The following ADORA2A variants were observed in gnomAD, a reference collection of about 807,000 sequenced individuals.
ADORA2A encodes adenosine A2a receptor.
A neutral mutation model predicts 18.4 loss-of-function variants in ADORA2A; 11 were observed. The ratio of observed to expected loss-of-function variants is 0.60; its 90% CI spans 0.38 to 0.99. ADORA2A has a LOEUF of 0.99. Among genes scored for constraint, ADORA2A ranks in the 50% least tolerant of loss-of-function variants. The pLI is 0.01. For missense variants in ADORA2A, 449 were observed against 556.1 expected, an observed-to-expected ratio of 0.81 and a Z score of 1.94; for synonymous variants, 218 against 237.3, an observed-to-expected ratio of 0.92 and a Z score of 0.75.
At chr22:24,439,228 C>G (rs1215855885) in intron 2 of ADORA2A, 1 of 151,564 alleles carries the variant, frequency 6.6e-6, no homozygotes, top group Non-Finnish European at 1.5e-5. Context: ...GATTACAGGC[C>G]CCCGCCACCA....
upstream of ADORA2A, among the ~76,000 whole-genome samples, chr22:24,427,123 G>T (rs2042926830): frequency 6.6e-6 from 1 of 152,180 alleles, no homozygotes; most frequent in African/African-American, 2.4e-5. Flanking sequence ...CTGGGCAGGA[G>T]ACTTCTCCCC....
chr22:24,425,347 C>A (rs947575904), upstream of ADORA2A, among the ~76,000 whole-genome samples: 2,953 of 136,898 alleles, frequency 0.022, 121 homozygotes, highest in Non-Finnish European at 0.031. Flanking sequence ...ACCCCCCCCC[C>A]CCCCGCCCAA....
rs201030658 is a variant in ADORA2A, at chr22:24,441,283, G to C, written c.1033G>C (p.Val345Leu). The change falls in exon 3 of 3, where the codon GTG (valine) becomes CTG (leucine). Residue 345 changes from valine to leucine, a missense_variant. Transcript: ENST00000337539. ...SLRLNGHPPG[V>L]WANGSAPHPE... ...CCGTCTCAACGGCCACCCGCCAGGA[G>C]TGTGGGCCAACGGCAGTGCTCCCCA... The C allele has an allele frequency of 3.7e-6, 6 of 1,612,392 alleles. No homozygotes were observed. Among genetic ancestry groups the C allele is most frequent in the East Asian group, 4.5e-5 (2 of 44,858 alleles).
chr22:24,426,128 T>G (rs2042916705), upstream of ADORA2A, among the ~76,000 whole-genome samples: 1 of 152,144 alleles, frequency 6.6e-6, no homozygotes, highest in African/African-American at 2.4e-5. Flanking sequence ...GCCTGGGCAG[T>G]GCCTGCTGTG....
chr22:24,430,599 G>T (rs1389640185), intron 1 of ADORA2A, among the ~76,000 whole-genome samples: 1 of 152,248 alleles, frequency 6.6e-6, no homozygotes, highest in African/African-American at 2.4e-5. Context: ...CACCAGTCCA[G>T]CCCGTGAGGC....
intron 2 of ADORA2A, among the ~76,000 whole-genome samples, chr22:24,440,171 G>C (rs1484575068): frequency 6.6e-6 from 1 of 152,180 alleles, no homozygotes; most frequent in Non-Finnish European, 1.5e-5. Flanking sequence ...ACTGATCTTG[G>C]TTAAGGCTGC....
chr22:24,428,108 C>T (rs972396566), intron 1 of ADORA2A, among the ~76,000 whole-genome samples: 3 of 152,214 alleles, frequency 2.0e-5, no homozygotes, highest in Non-Finnish European at 4.4e-5. Flanking sequence ...TGCTGGGTGG[C>T]TGCTTACCAC....
chr22:24,440,503 G>A (rs753562864), intron 2 of ADORA2A, 80 bp from the exon 3 acceptor site: 46 of 1,377,078 alleles, frequency 3.3e-5, no homozygotes, highest in Admixed American at 4.6e-5. Flanking sequence ...GTGGAAACGG[G>A]TGCTGCTCTG....
upstream of ADORA2A, among the ~76,000 whole-genome samples, chr22:24,425,380 G>A (rs2042908105): frequency 7.1e-6 from 1 of 141,226 alleles, no homozygotes; most frequent in Non-Finnish European, 1.5e-5. Context: ...TCCATGGCAG[G>A]GGCGCCTCAC....
rs746738083 is a variant in ADORA2A at position 24,433,667 on chromosome 22, C to G, written c.263C>G (p.Thr88Arg). The G allele has an allele frequency of 6.2e-7, 1 of 1,612,720 alleles. No homozygotes were observed. The highest frequency in any genetic ancestry group is 8.5e-7 in the Non-Finnish European group (1 of 1,180,044). ...LFIACFVLVL[T>R]QSSIFSLLAI... is the part of the protein sequence containing the mutation. ...ATTGCCTGCTTCGTCCTGGTCCTCA[C>G]GCAGAGCTCCATCTTCAGTCTCCTG... is the stretch of plus-strand genomic sequence containing the variant. The change falls in exon 2 of 3, where the codon ACG becomes AGG. Residue 88 changes from threonine to arginine, a missense_variant. By Grantham distance (71) the Thr-to-Arg change is moderately conservative. Coordinates refer to ENST00000337539, the MANE Select transcript of ADORA2A (RefSeq NM_000675.6).
chr22:24,425,897 G>C (rs2042914308), upstream of ADORA2A, among the ~76,000 whole-genome samples: 1 of 152,244 alleles, frequency 6.6e-6, no homozygotes, highest in African/African-American at 2.4e-5. Flanking sequence ...GCCTAATGTG[G>C]AAAGGCCTTG....
In ADORA2A at chr22:24,441,199, G is replaced by A. The variant is rs2043331042; in HGVS notation, c.949G>A (p.Ala317Thr). ...GAGGCAGCAAGAACCTTTCAAGGCA[G>A]CTGGCACCAGTGCCCGGGTCTTGGC... The part of the protein sequence containing the change: ...VLRQQEPFKA[A>T]GTSARVLAAH... Residue 317 changes from alanine to threonine, a missense_variant, in exon 3 of 3, where the codon GCT becomes ACT. Ala to Thr is a moderately conservative substitution (Grantham distance 58). Coordinates refer to ENST00000337539, the MANE Select transcript of ADORA2A (RefSeq NM_000675.6). The A allele has an allele frequency of 1.2e-6, 2 of 1,614,020 alleles. No homozygotes were observed. Among genetic ancestry groups the A allele is most frequent in the South Asian group, 2.2e-5 (2 of 91,092 alleles).
At position 24,433,384 on chromosome 22, in the gene ADORA2A, G is replaced by T; in HGVS notation, c.-21G>T. ...CTGGCCCAGCCCGCGTCCGTGCTGA[G>T]CCTGCCTGTCGTCTGTGGCCATGCC... On this transcript the variant is annotated 5_prime_UTR_variant, in exon 2 of 3. Coordinates refer to ENST00000337539, the MANE Select transcript of ADORA2A (RefSeq NM_000675.6). 1 of 1,593,562 alleles carries T rather than the reference G, an allele frequency of 6.3e-7. No individual in the cohort carries two copies. Among genetic ancestry groups the T allele is most frequent in the Non-Finnish European group, 8.5e-7 (1 of 1,170,410 alleles).
chr22:24,436,892 C>T (rs1289220406), intron 2 of ADORA2A, among the ~76,000 whole-genome samples: 1 of 152,106 alleles, frequency 6.6e-6, no homozygotes, highest in Non-Finnish European at 1.5e-5. Flanking sequence ...AGCATGTGAG[C>T]ACTGGGTAGG....
At chr22:24,439,082 T>TC (rs1348587585) in intron 2 of ADORA2A, among the ~76,000 whole-genome samples, 4 of 116,408 alleles carry the variant, frequency 3.4e-5, no homozygotes, top group Non-Finnish European at 7.3e-5. Context: ...CTTTTTTTTT[T>TC]TTTTTTTTTT....
chr22:24,433,282 C>A lies in ADORA2A; in HGVS notation c.-123C>A. On this transcript the variant is annotated 5_prime_UTR_variant, in exon 2 of 3. Transcript: ENST00000337539. ...GCACTTGGCTCCTGTGAGGAAGGGGCTCAGGGGTCTGGGCCCCTCCGCCTG... is the reference window on the plus strand; with the variant it reads ...GCACTTGGCTCCTGTGAGGAAGGGGATCAGGGGTCTGGGCCCCTCCGCCTG... The A allele has an allele frequency of 1.1e-6, 1 of 936,668 alleles. No homozygotes were observed. The highest frequency in any genetic ancestry group is 1.6e-6 in the Non-Finnish European group (1 of 634,298). The allele number at this position is 936,668 out of a possible 1,614,324, so 58.0% of individuals were successfully genotyped here.
intron 1 of ADORA2A, chr22:24,430,890 C>T (rs2043014754): frequency 1.1e-5 from 4 of 355,518 alleles, no homozygotes; most frequent in South Asian, 2.1e-5. Flanking sequence ...CCTCACTGGA[C>T]AGTCGCCTGT....
chr22:24,431,799 G>A (rs2043043741), intron 1 of ADORA2A, among the ~76,000 whole-genome samples: 1 of 151,952 alleles, frequency 6.6e-6, no homozygotes, highest in Admixed American at 6.6e-5. Flanking sequence ...CTGGGAGTTG[G>A]GGCTGGGCTC....
At chr22:24,437,145 A>T (rs1295864636) in intron 2 of ADORA2A, among the ~76,000 whole-genome samples, 1 of 152,192 alleles carries the variant, frequency 6.6e-6, no homozygotes, top group Non-Finnish European at 1.5e-5. Flanking sequence ...CTTGGACCAT[A>T]GGGTGAGCCC....
Sources: allele counts gnomAD v4.1 joint callset (sites outside exome capture counted in the v4.1 genomes callset), GRCh38; gene constraint gnomAD v4.1.1; transcripts MANE v1.5; gene names NCBI Gene and HGNC (gene_info 2026-07-23, HGNC 2026-07-21).